Variants in STAB2 observed in about 807,000 individuals in gnomAD.
STAB2 encodes the protein stabilin 2, also known as stabilin-2.
A neutral mutation model predicts 338.1 loss-of-function variants in STAB2; 288 were observed. The ratio of observed to expected loss-of-function variants is 0.85; its 90% confidence interval spans 0.77 to 0.94. The LOEUF (loss-of-function observed/expected upper bound fraction) is 0.94, where lower values mean the gene tolerates loss of function less well. Ranked by LOEUF, STAB2 falls within the 40% of genes least tolerant of loss-of-function variation. The pLI is 0.00. For synonymous variants in STAB2, 1,202 were observed against 1,193.3 expected, an observed-to-expected ratio of 1.01 and a Z score of -0.15; for missense variants, 3,141 against 3,210.1, an observed-to-expected ratio of 0.98 and a Z score of 0.52.
At chr12:103,759,516 G>A (rs762204592) in intron 65 of STAB2, among the ~76,000 whole-genome samples, 4 of 152,210 alleles carry the variant, frequency 2.6e-5, no homozygotes, top group Admixed American at 6.5e-5. Flanking sequence ...CCATTTTAAA[G>A]CTGATTCTCC....
chr12:103,608,676 A>G (rs1443103904), intron 3 of STAB2, among the ~76,000 whole-genome samples: 1 of 152,132 alleles, frequency 6.6e-6, no homozygotes, highest in Non-Finnish European at 1.5e-5. Context: ...GCTGTGCAGA[A>G]GCTCTTTAGT....
chr12:103,687,624 A>C (rs1877549456), intron 27 of STAB2, among the ~76,000 whole-genome samples: 1 of 152,202 alleles, frequency 6.6e-6, no homozygotes, highest in African/African-American at 2.4e-5. Context: ...CTTTAAAAAC[A>C]ACTCCTATTT....
chr12:103,638,016 C>T lies in STAB2; in HGVS notation c.710C>T (p.Pro237Leu), dbSNP rs1204940908. The change falls in exon 8 of 69, where the codon CCC becomes CTC. Residue 237 changes from proline (P) to leucine (L), a missense_variant and splice_region_variant. Transcript: ENST00000388887. ...NYRGDGKYCD[P>L]INPCLRKICH... ...TCTCATTTTGCTGTTGCCTCTCAAG[C>T]CATCAATCCATGTTTACGAAAAATC... 1 of 1,608,014 alleles carries T rather than the reference C, an allele frequency of 6.2e-7. No homozygotes were observed.
At chr12:103,628,822 G>A (rs1957418420) in intron 5 of STAB2, among the ~76,000 whole-genome samples, 1 of 152,074 alleles carries the variant, frequency 6.6e-6, no homozygotes, top group African/African-American at 2.4e-5. Context: ...CTGGGGATGA[G>A]GACTCCACCA....
intron 3 of STAB2, among the ~76,000 whole-genome samples, chr12:103,597,136 T>G (rs1011345503): frequency 3.3e-5 from 5 of 152,038 alleles, no homozygotes; most frequent in Non-Finnish European, 7.4e-5. Flanking sequence ...CCAAACACAC[T>G]AGATGTCTCG....
At chr12:103,760,639 C>T (rs1196424276) in intron 65 of STAB2, among the ~76,000 whole-genome samples, 3 of 152,164 alleles carry the variant, frequency 2.0e-5, no homozygotes, top group South Asian at 4.2e-4. Context: ...TGGAGATGAC[C>T]GTGGGGGTAG....
In STAB2 at chr12:103,733,164, T is replaced by C; in HGVS notation, c.5442T>C (p.His1814=). 6.2e-7 allele frequency: 1 copy of C among 1,614,136 alleles called. No homozygotes were observed. Among genetic ancestry groups the C allele is most frequent in the Non-Finnish European group, 8.5e-7 (1 of 1,180,004 alleles). The stretch of plus-strand genomic sequence containing the variant: ...AGCTGAAGGAGTATTTGAAGTTTCA[T>C]GTGATACGAGATGCCAAGGTATTTA... ...KDKLKEYLKF[H]VIRDAKVLAV... The change falls in exon 51 of 69, where the codon CAT becomes CAC. Residue 1814 remains histidine (H), a synonymous_variant. Coordinates refer to ENST00000388887, the MANE Select transcript of STAB2 (RefSeq NM_017564.10).
Position 103,737,606 on chromosome 12 carries a change from CTTTTTTTTT to C in STAB2, c.5551-18_5551-10del. ...TCTCTCTCTCTCTCTCTCTCTTTCT[CTTTTTTTTT>C]TTTTTTTTTCTTTCTTAGGGTGACC... is the stretch of plus-strand genomic sequence containing the variant. On this transcript the variant is annotated intron_variant, in intron 52 of 68. Coordinates refer to ENST00000388887, the MANE Select transcript of STAB2 (RefSeq NM_017564.10). The C allele has an allele frequency of 3.0e-6, 3 of 996,996 alleles. No individual in the cohort carries two copies. Among genetic ancestry groups the C allele is most frequent in the Non-Finnish European group, 4.1e-6 (3 of 738,574 alleles). 61.8% of individuals were successfully genotyped at this position (996,996 alleles called of 1,614,324 possible).
At chr12:103,683,154 G>A (rs1212997436) in intron 25 of STAB2, 51 bp from the exon 26 acceptor site, 1 of 1,523,290 alleles carries the variant, frequency 6.6e-7, no homozygotes, top group Non-Finnish European at 9.1e-7. Flanking sequence ...GGAAAGACAT[G>A]GAAGGCACTT....
At position 103,737,749 on chromosome 12, in the gene STAB2, G is replaced by T; in HGVS notation, c.5666G>T (p.Arg1889Leu). 2 of 1,613,868 alleles carry T rather than the reference G, an allele frequency of 1.2e-6. No homozygotes were observed. Among genetic ancestry groups the T allele is most frequent in the Non-Finnish European group, 1.7e-6 (2 of 1,179,972 alleles). Residue 1889 changes from arginine (R) to leucine (L), a missense_variant, in exon 53 of 69, where the codon CGC (arginine) becomes CTC (leucine). By Grantham distance (102) the Arg-to-Leu change is moderately radical. Transcript: ENST00000388887. ...CLLIDPTLGG[R>L]CDTFTTFDAS... ...CTGATTGATCCCACCCTGGGGGGCC[G>T]CTGTGACACCTTTACTACTTTCGAT...
chr12:103,736,798 G>A (rs1306793673), intron 52 of STAB2, among the ~76,000 whole-genome samples: 1 of 152,076 alleles, frequency 6.6e-6, no homozygotes, highest in African/African-American at 2.4e-5. Flanking sequence ...TCCTTCCACT[G>A]AGTCACACTA....
rs1277539446 is a variant in STAB2 at position 103,683,446 on chromosome 12, T to C, written c.2901+146T>C. 9.9e-6 allele frequency: 6 copies of C among 604,108 alleles called. No individual in the cohort carries two copies. In the Admixed American group the frequency reaches 1.1e-4, roughly 11 times the overall value. The allele number at this position is 604,108 out of a possible 1,614,324, so 37.4% of individuals were successfully genotyped here. A position where few individuals can be genotyped will look rare whatever the true frequency, so the allele number is the denominator to read the frequency against. Reference sequence around the variant, plus strand: ...TCTCTAAGCAGAATGCGAGTAGTTATTGCAACTTCTACTTCATTCCAAAGC... The same window carrying C: ...TCTCTAAGCAGAATGCGAGTAGTTACTGCAACTTCTACTTCATTCCAAAGC... On this transcript the variant is annotated intron_variant, in intron 26 of 68. Transcript: ENST00000388887.
At chr12:103,711,663 C>A in intron 40 of STAB2, 147 bp downstream of exon 40, 1 of 910,770 alleles carries the variant, frequency 1.1e-6, no homozygotes, top group Non-Finnish European at 1.7e-6. Flanking sequence ...CTAAAAATAT[C>A]TCTGAAGAGG....
At position 103,638,206 on chromosome 12, in the gene STAB2, TGGACA is replaced by T. The variant is rs1396843878; in HGVS notation, c.903_906+1del. 1.2e-6 allele frequency: 2 copies of T among 1,613,308 alleles called. No homozygotes were observed. The highest frequency in any genetic ancestry group is 3.3e-5 in the Admixed American group (2 of 59,952). On this transcript the variant is annotated frameshift_variant and splice_region_variant, in exon 8 of 69. Transcript: ENST00000388887. LOFTEE classifies it high-confidence loss of function. ...CTACAGTGTGCAAATATGATGGGCC[TGGACA>T]GGTGAGCAAATGATGCAGGGAACTG...
Position 103,708,475 on chromosome 12 carries a change from A to T in STAB2, c.4227A>T (p.Gly1409=), listed in dbSNP as rs757389250. Reference sequence around the variant, plus strand: ...GTGTCCATGGGAGATGCAACCAAGGACCCTTGGGAGATGGCTCCTGTGACT... The same window carrying T: ...GTGTCCATGGGAGATGCAACCAAGGTCCCTTGGGAGATGGCTCCTGTGACT... ...CSCVHGRCNQ[G]PLGDGSCDCD... Residue 1409 remains glycine (G), a synonymous_variant, in exon 39 of 69, where the codon GGA becomes GGT. Transcript: ENST00000388887. 2.6e-5 allele frequency: 42 copies of T among 1,613,918 alleles called. No individual in the cohort carries two copies. The African/African-American group carries it at 5.5e-4, about 21-fold the overall frequency.
chr12:103,712,296 G>T, intron 40 of STAB2, 71 bp from the exon 41 acceptor site: 2 of 1,174,992 alleles, frequency 1.7e-6, no homozygotes, highest in Non-Finnish European at 2.6e-6. Context: ...GAGGGTGAAG[G>T]GCATTTGTGA....
chr12:103,707,908 G>A (rs1356581077), intron 38 of STAB2, among the ~76,000 whole-genome samples: 1 of 152,182 alleles, frequency 6.6e-6, no homozygotes, highest in Non-Finnish European at 1.5e-5. Flanking sequence ...TTCCTAAAAT[G>A]GGATTTGTAG....
intron 20 of STAB2, 161 bp from the exon 21 acceptor site, chr12:103,669,380 G>GA: frequency 4.8e-6 from 3 of 628,342 alleles, no homozygotes; most frequent in Non-Finnish European, 8.5e-6. Context: ...GTGACCAGAT[G>GA]ACTGAGCACT....
chr12:103,683,315 C>G lies in STAB2; in HGVS notation c.2901+15C>G. On this transcript the variant is annotated intron_variant, in intron 26 of 68. Coordinates refer to ENST00000388887, the MANE Select transcript of STAB2 (RefSeq NM_017564.10). The stretch of plus-strand genomic sequence containing the variant: ...GTCATCCATTGGTGAGTTATTTAAC[C>G]TTGTTTTTCATTACTTAAAAAAAAA... The G allele has an allele frequency of 6.5e-7, 1 of 1,527,026 alleles. No individual in the cohort carries two copies. The allele number at this position is 1,527,026 out of a possible 1,614,324, so 94.6% of individuals were successfully genotyped here. A position where few individuals can be genotyped will look rare whatever the true frequency, so the allele number is the denominator to read the frequency against.
Sources: allele counts gnomAD v4.1 joint callset (sites outside exome capture counted in the v4.1 genomes callset), GRCh38; gene constraint gnomAD v4.1.1; transcripts MANE v1.5; gene names NCBI Gene and HGNC (gene_info 2026-07-23, HGNC 2026-07-21).